RDX: variants seen among roughly 807,000 people sequenced by gnomAD.
The protein encoded by RDX is deafness, autosomal recessive 24.
Under a neutral mutation model 83.7 loss-of-function variants are expected in RDX, and 32 were observed. The observed-to-expected ratio is 0.38, with a 90% CI of 0.29 to 0.51. RDX has a LOEUF of 0.51. Ranked by LOEUF, RDX falls within the 20% of genes least tolerant of loss-of-function variation. The pLI is 0.87. For missense variants in RDX, 600 were observed against 689.9 expected (o/e 0.87, Z 1.46); for synonymous variants, 229 against 222.7 (o/e 1.03, Z -0.25).
intron 1 of RDX, among the ~76,000 whole-genome samples, chr11:110,282,186 CAT>C (rs1860791766): frequency 6.6e-6 from 1 of 152,162 alleles, no homozygotes; most frequent in Non-Finnish European, 1.5e-5. Context: ...ATTCTTCACA[CAT>C]ATATAAGACA....
At chr11:110,195,364 G>C (rs1486498280) in intron 15 of RDX, among the ~76,000 whole-genome samples, 1 of 152,158 alleles carries the variant, frequency 6.6e-6, no homozygotes, top group Non-Finnish European at 1.5e-5. Flanking sequence ...GCCAGGACTA[G>C]TGCCATCTTA....
rs573289724 is a variant in RDX at position 110,188,617 on chromosome 11, T to A, written c.*31+10964A>T. ...CCAGAAATCACCACTAAAGAACTTA[T>A]TCGTGTAACCAAACACAACTAACAG... On this transcript the variant is annotated intron_variant, in intron 15 of 15. Transcript: ENST00000528498. Among the ~76,000 whole-genome samples, 6 of 152,200 alleles carry A rather than the reference T, an allele frequency of 3.9e-5. No homozygotes were observed. The East Asian group carries it at 1.2e-3, about 29-fold the overall frequency.
At chr11:110,189,531 C>T (rs932008388) in intron 15 of RDX, among the ~76,000 whole-genome samples, 1 of 152,150 alleles carries the variant, frequency 6.6e-6, no homozygotes, top group African/African-American at 2.4e-5. Context: ...ACAGACTATT[C>T]TACCCATCAG....
intron 15 of RDX, among the ~76,000 whole-genome samples, chr11:110,175,849 G>A (rs1862762539): frequency 6.6e-6 from 1 of 152,234 alleles, no homozygotes; most frequent in South Asian, 2.1e-4. Flanking sequence ...GCCAAATTAA[G>A]ACAAGGACAA....
rs1451959187 is a variant in RDX, at chr11:110,279,878, AT to A, written c.-64-123del. The A allele has an allele frequency of 5.7e-6, 3 of 527,074 alleles. No individual in the cohort carries two copies. In the African/African-American group the frequency reaches 5.7e-5, roughly 10 times the overall value. The allele number at this position is 527,074 out of a possible 1,614,324, so 32.6% of individuals were successfully genotyped here. A position where few individuals can be genotyped will look rare whatever the true frequency, so the allele number is the denominator to read the frequency against. ...GGTGGATTTAAAGTAACAAGGAGTG[AT>A]TTCATTCTCATTTTCAATATCTTCT... On this transcript the variant is annotated intron_variant, in intron 1 of 13. Coordinates refer to ENST00000645495, the MANE Select transcript of RDX (RefSeq NM_002906.4).
At chr11:110,185,775 G>T (rs1341633073) in intron 15 of RDX, among the ~76,000 whole-genome samples, 2 of 152,232 alleles carry the variant, frequency 1.3e-5, no homozygotes, top group Admixed American at 1.3e-4. Flanking sequence ...CCAGGTGGGA[G>T]CCTGGCCTCT....
At chr11:110,208,898 T>C (rs188006528) in intron 14 of RDX, among the ~76,000 whole-genome samples, 232 of 152,226 alleles carry the variant, frequency 1.5e-3, no homozygotes, top group Non-Finnish European at 2.8e-3. Flanking sequence ...AGAGGTTGCA[T>C]TGAGCAGAGA....
chr11:110,218,313 T>C (rs1864128345), intron 14 of RDX, among the ~76,000 whole-genome samples: 1 of 152,262 alleles, frequency 6.6e-6, no homozygotes, highest in South Asian at 2.1e-4. Flanking sequence ...CTCTTTTCAA[T>C]GATGTTCTTG....
At position 110,231,673 on chromosome 11, in the gene RDX, G is replaced by GA. The variant is rs1385450792; in HGVS notation, c.*195dup. On this transcript the variant is annotated 3_prime_UTR_variant, in exon 14 of 14. Coordinates refer to ENST00000645495, the MANE Select transcript of RDX (RefSeq NM_002906.4). ...CCATTCTCCATTCCCTGGACCAAAA[G>GA]AAAAAAGAAAACCAAGCATGATATC... 12 of 625,590 alleles carry GA rather than the reference G, an allele frequency of 1.9e-5. No homozygotes were observed. The highest frequency in any genetic ancestry group is 1.7e-4 in the South Asian group (9 of 52,424). 38.8% of individuals were successfully genotyped at this position (625,590 alleles called of 1,614,324 possible).
chr11:110,257,005 G>A (rs1306426259), intron 7 of RDX, among the ~76,000 whole-genome samples: 1 of 148,308 alleles, frequency 6.7e-6, no homozygotes, highest in Non-Finnish European at 1.5e-5. Flanking sequence ...TGCTTATGTG[G>A]TATGGTAAAT....
intron 14 of RDX, among the ~76,000 whole-genome samples, chr11:110,215,365 A>AAAAT (rs141643262): frequency 0.1 from 14,781 of 141,658 alleles, 881 homozygotes; most frequent in African/African-American, 0.16. Context: ...TCCATCTCAA[A>AAAAT]AAATAAATAA....
In RDX at chr11:110,201,903, TTGTGTGTGTG is replaced by T. The variant is rs141731309; in HGVS notation, c.1749-2235_1749-2226del. On this transcript the variant is annotated intron_variant, in intron 14 of 15. Coordinates refer to the RDX transcript ENST00000528498. ...CACATGCCACCACATCCGGCTAATT[TTGTGTGTGTG>T]TGTGTGTGTGTGTGTGTGTGTGTGT... is the stretch of plus-strand genomic sequence containing the variant. Among the ~76,000 whole-genome samples the T allele has an allele frequency of 9.9e-3, 1,362 of 137,264 alleles. 15 individuals are homozygous for T. Among genetic ancestry groups the T allele is most frequent in the African/African-American group, 0.021 (770 of 37,544 alleles). The allele number at this position is 137,264 out of a possible 152,430, so 90.1% of individuals were successfully genotyped here. A position where few individuals can be genotyped will look rare whatever the true frequency, so the allele number is the denominator to read the frequency against.
At chr11:110,216,143 G>T (rs1400934416) in intron 14 of RDX, among the ~76,000 whole-genome samples, 1 of 152,112 alleles carries the variant, frequency 6.6e-6, no homozygotes, top group Non-Finnish European at 1.5e-5. Context: ...AAGCTCCTGT[G>T]ATCTGGCTGT....
chr11:110,277,087 G>GC (rs1860546386), intron 2 of RDX, among the ~76,000 whole-genome samples: 1 of 152,106 alleles, frequency 6.6e-6, no homozygotes, highest in Non-Finnish European at 1.5e-5. Context: ...TCTCCACAAG[G>GC]CAAGTTCTAT....
At chr11:110,229,299 G>A (rs1309652018), downstream of RDX, 3 of 152,158 alleles carry the variant, frequency 2.0e-5, no homozygotes, top group Non-Finnish European at 4.4e-5. Context: ...AAGAGGTATC[G>A]GGGAAAGAGT....
chr11:110,237,072 C>A (rs1362464094), intron 11 of RDX, among the ~76,000 whole-genome samples: 1 of 146,378 alleles, frequency 6.8e-6, no homozygotes, highest in Admixed American at 6.7e-5. Context: ...AATAAAAAAA[C>A]CCAACCAATT....
chr11:110,264,196 C>T lies in RDX; in HGVS notation c.231G>A (p.Gln77=). ...GAAAGAATTTAGCTCTAAACTTGAA[C>T]TGTAAAGGATTCTCTTTTTTAACAT... ...QQDVKKENPL[Q]FKFRAKFFPE... is the part of the protein sequence containing the mutation. Residue 77 remains glutamine, a synonymous_variant, in exon 5 of 14, where the codon CAG becomes CAA. Transcript: ENST00000645495. The T allele has an allele frequency of 1.2e-6, 2 of 1,611,112 alleles. No homozygotes were observed. Among genetic ancestry groups the T allele is most frequent in the East Asian group, 2.2e-5 (1 of 44,860 alleles).
rs1038748308 is a variant in RDX at position 110,230,722 on chromosome 11, G to C, written c.*1147C>G. On this transcript the variant is annotated 3_prime_UTR_variant, in exon 14 of 14. Coordinates refer to ENST00000645495, the MANE Select transcript of RDX (RefSeq NM_002906.4). Reference sequence around the variant, plus strand: ...AATACAAATCAGAATCCCACAGTTTGACTCGACAAAAAGGCAGTTAAAAAT... The same window carrying C: ...AATACAAATCAGAATCCCACAGTTTCACTCGACAAAAAGGCAGTTAAAAAT... The C allele has an allele frequency of 1.8e-4, 28 of 152,442 alleles. No individual in the cohort carries two copies. Among genetic ancestry groups the C allele is most frequent in the African/African-American group, 6.5e-4 (27 of 41,386 alleles). 9.4% of individuals were successfully genotyped at this position (152,442 alleles called of 1,614,324 possible).
At chr11:110,275,794 T>C in intron 2 of RDX, among the ~76,000 whole-genome samples, 1 of 149,450 alleles carries the variant, frequency 6.7e-6, no homozygotes. Flanking sequence ...TTTTTTTTTT[T>C]TTTTTTTTGA....
Sources: allele counts gnomAD v4.1 joint callset (sites outside exome capture counted in the v4.1 genomes callset), GRCh38; gene constraint gnomAD v4.1.1; transcripts MANE v1.5; gene names NCBI Gene and HGNC (gene_info 2026-07-23, HGNC 2026-07-21).